NAGS: variants seen among roughly 807,000 people sequenced by gnomAD.
NAGS encodes the protein N-acetylglutamate synthase.
In NAGS, 34 loss-of-function variants were observed where a neutral mutation model predicts 46.9. The ratio of observed to expected loss-of-function variants is 0.72; its 90% CI spans 0.55 to 0.97. The LOEUF (loss-of-function observed/expected upper bound fraction) is 0.97, where lower values mean the gene tolerates loss of function less well. Among genes scored for constraint, NAGS ranks in the 50% least tolerant of loss-of-function variants. NAGS has a pLI of 0.00. For missense variants in NAGS, 665 were observed against 747.0 expected, an observed-to-expected ratio of 0.89 and a Z score of 1.28; for synonymous variants, 334 against 346.3, an observed-to-expected ratio of 0.96 and a Z score of 0.39.
rs752030746 is a variant in NAGS, at chr17:44,007,525, TG to T, written c.1268+37del. Reference sequence around the variant, plus strand: ...CCTGCGGACCCCAGAGGGCGGGGTCTGGGGGGCAGTCGGGCAGCTTCGGACC... The same window carrying T: ...CCTGCGGACCCCAGAGGGCGGGGTCTGGGGGCAGTCGGGCAGCTTCGGACC... On this transcript the variant is annotated intron_variant, in intron 5 of 6. Transcript: ENST00000293404. This position sits in a 1 kb window ranked among gnomAD's most constrained non-coding sequence, Gnocchi z 5.1. 2.5e-6 allele frequency: 4 copies of T among 1,613,276 alleles called. No individual in the cohort carries two copies. Among genetic ancestry groups the T allele is most frequent in the South Asian group, 1.1e-5 (1 of 91,058 alleles).
rs940713857 is a variant in NAGS at position 44,005,484 on chromosome 17, G to A, written c.427-153G>A. Among the ~76,000 whole-genome samples the A allele has an allele frequency of 6.6e-6, 1 of 152,244 alleles. No individual in the cohort carries two copies. Among genetic ancestry groups the A allele is most frequent in the Non-Finnish European group, 1.5e-5 (1 of 68,048 alleles). ...ACAAGGGAGTGGCAAGACCCAACGGGGCAAAGGGCGGAGCAGGTGGGCACT... is the reference window on the plus strand; with the variant it reads ...ACAAGGGAGTGGCAAGACCCAACGGAGCAAAGGGCGGAGCAGGTGGGCACT... On this transcript the variant is annotated intron_variant, in intron 1 of 6. Coordinates refer to ENST00000293404, the MANE Select transcript of NAGS (RefSeq NM_153006.3). This position sits in a 1 kb window ranked among gnomAD's most constrained non-coding sequence, Gnocchi z 7.2.
intron 6 of NAGS, 127 bp from the exon 7 acceptor site, chr17:44,008,321 C>G: frequency 9.1e-7 from 1 of 1,103,178 alleles, no homozygotes; most frequent in Non-Finnish European, 1.4e-6. Context: ...TAACACACAG[C>G]AGGACCAAGC....
rs927569888 is a variant in NAGS at position 44,007,163 on chromosome 17, GA to G, written c.1097-156del. 50 of 707,146 alleles carry G rather than the reference GA, an allele frequency of 7.1e-5. 3 individuals carry two copies. The highest frequency in any genetic ancestry group is 4.7e-4 in the South Asian group (25 of 53,024). The allele number at this position is 707,146 out of a possible 1,614,324, so 43.8% of individuals were successfully genotyped here. A position where few individuals can be genotyped will look rare whatever the true frequency, so the allele number is the denominator to read the frequency against. ...GCCTGGGGAAAGCATCTCCTTGAAT[GA>G]AAATCACAGACAAATCTATGCAGAC... On this transcript the variant is annotated intron_variant, in intron 4 of 6. Transcript: ENST00000293404. This position sits in a 1 kb window ranked among gnomAD's most constrained non-coding sequence, Gnocchi z 5.1.
Position 44,007,488 on chromosome 17 carries a change from C to T in NAGS, c.1262C>T (p.Ser421Phe). ...LRPRLHSIYV[S>F]EGYNAAAILT... is the part of the protein sequence containing the mutation. ...CCGCGGCTGCACTCCATCTACGTCT[C>T]CGAGGGGTAAGCCTGCGGACCCCAG... The change falls in exon 5 of 7, where the codon TCC becomes TTC. Residue 421 changes from serine to phenylalanine, a missense_variant. By Grantham distance (155) the Ser-to-Phe change is radical. Transcript: ENST00000293404. The surrounding 1 kb of genome is among the most constrained non-coding windows in gnomAD (Gnocchi z 5.1). The T allele has an allele frequency of 1.2e-6, 2 of 1,613,730 alleles. No individual in the cohort carries two copies. The highest frequency in any genetic ancestry group is 1.7e-6 in the Non-Finnish European group (2 of 1,179,948).
In NAGS at chr17:44,006,807, A is replaced by G; in HGVS notation, c.1096+98A>G. On this transcript the variant is annotated intron_variant, in intron 4 of 6. Coordinates refer to ENST00000293404, the MANE Select transcript of NAGS (RefSeq NM_153006.3). This position sits in a 1 kb window ranked among gnomAD's most constrained non-coding sequence, Gnocchi z 4.8. ...GGAGGAGCGGCTTCTCCTCCTGTCC[A>G]GGAGCCGTAGGGGGAGGCGGGGGGT... The G allele has an allele frequency of 7.7e-7, 1 of 1,299,324 alleles. No individual in the cohort carries two copies. The highest frequency in any genetic ancestry group is 1.4e-5 in the South Asian group (1 of 70,538). 80.5% of individuals were successfully genotyped at this position (1,299,324 alleles called of 1,614,324 possible). A position where few individuals can be genotyped will look rare whatever the true frequency, so the allele number is the denominator to read the frequency against.
rs1268332465 is a variant in NAGS at position 44,005,906 on chromosome 17, T to C, written c.696T>C (p.His232=). 11 of 1,549,070 alleles carry C rather than the reference T, an allele frequency of 7.1e-6. No individual in the cohort carries two copies. The highest frequency in any genetic ancestry group is 7.8e-6 in the Non-Finnish European group (9 of 1,151,052). The part of the protein sequence containing the change: ...SVLRAAEPAP[H]ASYGGIVSVE... ...TACGCGCTGCCGAGCCGGCTCCCCA[T>C]GCCAGGTGAGTGCCCGCCCTGCCCG... is the stretch of plus-strand genomic sequence containing the variant. Residue 232 remains histidine, a synonymous_variant, in exon 2 of 7, where the codon CAT becomes CAC. Transcript: ENST00000293404. This position sits in a 1 kb window ranked among gnomAD's most constrained non-coding sequence, Gnocchi z 7.2.
In NAGS at chr17:44,007,007, C is replaced by G; in HGVS notation, c.1096+298C>G. ...GCGGGACCATAAGGGAGGTGTTCGA[C>G]CGGGAGAGATGGGCGGGGCTTAGGT... On this transcript the variant is annotated intron_variant, in intron 4 of 6. Transcript: ENST00000293404. This position sits in a 1 kb window ranked among gnomAD's most constrained non-coding sequence, Gnocchi z 5.1. 1 of 518,208 alleles carries G rather than the reference C, an allele frequency of 1.9e-6. No homozygotes were observed. The highest frequency in any genetic ancestry group is 2.4e-5 in the South Asian group (1 of 42,280). 32.1% of individuals were successfully genotyped at this position (518,208 alleles called of 1,614,324 possible). A position where few individuals can be genotyped will look rare whatever the true frequency, so the allele number is the denominator to read the frequency against.
In NAGS at chr17:44,004,859, G is replaced by A. The variant is rs1300283144; in HGVS notation, c.196G>A (p.Ala66Thr). ...GCCCCCGCCCGAGGAGTACGCGGGC[G>A]CGGACGACGTCTCCCAGTCGCCCGT... ...PQPPPEEYAG[A>T]DDVSQSPVAE... Residue 66 changes from alanine to threonine, a missense_variant, in exon 1 of 7, where the codon GCG becomes ACG. Transcript: ENST00000293404. The A allele has an allele frequency of 1.3e-6, 2 of 1,529,020 alleles. No individual in the cohort carries two copies. The highest frequency in any genetic ancestry group is 1.7e-6 in the Non-Finnish European group (2 of 1,144,240). The allele number at this position is 1,529,020 out of a possible 1,614,324, so 94.7% of individuals were successfully genotyped here.
rs2049061810 is a variant in NAGS, at chr17:44,004,797, C to A, written c.134C>A (p.Pro45Gln). 1.5e-6 allele frequency: 2 copies of A among 1,373,350 alleles called. No homozygotes were observed. Among genetic ancestry groups the A allele is most frequent in the Non-Finnish European group, 1.9e-6 (2 of 1,069,140 alleles). The allele number at this position is 1,373,350 out of a possible 1,614,324, so 85.1% of individuals were successfully genotyped here. ...CGGCGGGCGGCGAGGGGCACCAGCCCGGGGCGCCGGCTCAGCACCGCCTGG... is the reference window on the plus strand; with the variant it reads ...CGGCGGGCGGCGAGGGGCACCAGCCAGGGGCGCCGGCTCAGCACCGCCTGG... ...ARRRAARGTS[P>Q]GRRLSTAWSQ... The change falls in exon 1 of 7, where the codon CCG becomes CAG. Residue 45 changes from proline (P) to glutamine (Q), a missense_variant. Transcript: ENST00000293404.
chr17:44,006,458 G>A lies in NAGS; in HGVS notation c.916-71G>A. The A allele has an allele frequency of 6.5e-7, 1 of 1,539,310 alleles. No homozygotes were observed. Among genetic ancestry groups the A allele is most frequent in the African/African-American group, 1.4e-5 (1 of 72,966 alleles). On this transcript the variant is annotated intron_variant, in intron 3 of 6. Transcript: ENST00000293404. This position sits in a 1 kb window ranked among gnomAD's most constrained non-coding sequence, Gnocchi z 4.8. ...AAGGATAAAGGGGTCAGAGAAAAGAGAGGTCCGTGGGGGTAGGGGGGCAGT... is the reference window on the plus strand; with the variant it reads ...AAGGATAAAGGGGTCAGAGAAAAGAAAGGTCCGTGGGGGTAGGGGGGCAGT...
In NAGS at chr17:44,004,735, C is replaced by T. The variant is rs749730977; in HGVS notation, c.72C>T (p.Gly24=). The change falls in exon 1 of 7, where the codon GGC becomes GGT. Residue 24 remains glycine (G), a synonymous_variant. Coordinates refer to ENST00000293404, the MANE Select transcript of NAGS (RefSeq NM_153006.3). Reference sequence around the variant, plus strand: ...CCCCGAGGCTGAGAGGCCGGGGAGGCACTGGGGGCGCCCGAAGGCTGAGCT... The same window carrying T: ...CCCCGAGGCTGAGAGGCCGGGGAGGTACTGGGGGCGCCCGAAGGCTGAGCT... ...AVAPRLRGRG[G]TGGARRLSCG... is the part of the protein sequence containing the mutation. 3.4e-6 allele frequency: 5 copies of T among 1,476,976 alleles called. No homozygotes were observed. The highest frequency in any genetic ancestry group is 4.5e-6 in the Non-Finnish European group (5 of 1,113,952). The allele number at this position is 1,476,976 out of a possible 1,614,324, so 91.5% of individuals were successfully genotyped here. A position where few individuals can be genotyped will look rare whatever the true frequency, so the allele number is the denominator to read the frequency against.
At chr17:44,008,193 C>T (rs1438804100) in intron 6 of NAGS, among the ~76,000 whole-genome samples, 4 of 152,168 alleles carry the variant, frequency 2.6e-5, no homozygotes, top group Non-Finnish European at 2.9e-5. Flanking sequence ...GCAAAGCACC[C>T]GCTCCCTTCC....
rs1190450582 is a variant in NAGS at position 44,006,574 on chromosome 17, A to C, written c.961A>C (p.Asn321His). ...GCCCGCCGACCTGGACCTGGTGTGC[A>C]ACGCCGAGTGGGTGAGCACAAAAGA... ...NLPADLDLVC[N>H]AEWVSTKERQ... Residue 321 changes from asparagine (N) to histidine (H), a missense_variant, in exon 4 of 7, where the codon AAC becomes CAC. Coordinates refer to ENST00000293404, the MANE Select transcript of NAGS (RefSeq NM_153006.3). This position sits in a 1 kb window ranked among gnomAD's most constrained non-coding sequence, Gnocchi z 4.8. The C allele has an allele frequency of 6.3e-7, 1 of 1,581,548 alleles. No individual in the cohort carries two copies. The highest frequency in any genetic ancestry group is 1.8e-5 in the Admixed American group (1 of 55,074).
At position 44,004,831 on chromosome 17, in the gene NAGS, C is replaced by T. The variant is rs1597863930; in HGVS notation, c.168C>T (p.Pro56=). The change falls in exon 1 of 7, where the codon CCC becomes CCT. Residue 56 remains proline (P), a synonymous_variant. Coordinates refer to ENST00000293404, the MANE Select transcript of NAGS (RefSeq NM_153006.3). ...GGCTCAGCACCGCCTGGTCGCAGCC[C>T]CAGCCCCCGCCCGAGGAGTACGCGG... ...GRRLSTAWSQ[P]QPPPEEYAGA... is the part of the protein sequence containing the mutation. 4.0e-6 allele frequency: 6 copies of T among 1,502,412 alleles called. No individual in the cohort carries two copies. The highest frequency in any genetic ancestry group is 5.3e-6 in the Non-Finnish European group (6 of 1,131,080). 93.1% of individuals were successfully genotyped at this position (1,502,412 alleles called of 1,614,324 possible).
At position 44,005,611 on chromosome 17, in the gene NAGS, C is replaced by A. The variant is rs148757315; in HGVS notation, c.427-26C>A. The A allele has an allele frequency of 2.6e-5, 41 of 1,606,744 alleles. No individual in the cohort carries two copies. The highest frequency in any genetic ancestry group is 3.4e-5 in the Non-Finnish European group (40 of 1,177,460). ...GCCAGCGGCTCAGGTCCGTGTCACG[C>A]TCCTTGAAAGCCCACTCCTCCGCAG... is the stretch of plus-strand genomic sequence containing the variant. On this transcript the variant is annotated intron_variant, in intron 1 of 6. Transcript: ENST00000293404. The surrounding 1 kb of genome is among the most constrained non-coding windows in gnomAD (Gnocchi z 7.2).
Position 44,005,506 on chromosome 17 carries a change from C to T in NAGS, c.427-131C>T. 1.6e-6 allele frequency: 2 copies of T among 1,260,522 alleles called. No homozygotes were observed. Among genetic ancestry groups the T allele is most frequent in the Non-Finnish European group, 2.2e-6 (2 of 899,634 alleles). The allele number at this position is 1,260,522 out of a possible 1,614,324, so 78.1% of individuals were successfully genotyped here. ...CGGGGCAAAGGGCGGAGCAGGTGGGCACTGGTGGCCAGAACTGGGTCCTGA... is the reference window on the plus strand; with the variant it reads ...CGGGGCAAAGGGCGGAGCAGGTGGGTACTGGTGGCCAGAACTGGGTCCTGA... On this transcript the variant is annotated intron_variant, in intron 1 of 6. Transcript: ENST00000293404. The surrounding 1 kb of genome is among the most constrained non-coding windows in gnomAD (Gnocchi z 7.2).
Position 44,005,020 on chromosome 17 carries a change from G to A in NAGS, c.357G>A (p.Glu119=). ...FLNQCGASPG[E]ARHWLTQFQT... is the part of the protein sequence containing the mutation. Reference sequence around the variant, plus strand: ...ACCAGTGCGGGGCCAGCCCTGGGGAGGCGCGCCACTGGCTCACGCAGTTCC... The same window carrying A: ...ACCAGTGCGGGGCCAGCCCTGGGGAAGCGCGCCACTGGCTCACGCAGTTCC... The change falls in exon 1 of 7, where the codon GAG becomes GAA. Residue 119 remains glutamate, a synonymous_variant. Coordinates refer to ENST00000293404, the MANE Select transcript of NAGS (RefSeq NM_153006.3). This position sits in a 1 kb window ranked among gnomAD's most constrained non-coding sequence, Gnocchi z 7.2. The A allele has an allele frequency of 6.4e-7, 1 of 1,563,208 alleles. No individual in the cohort carries two copies. Among genetic ancestry groups the A allele is most frequent in the East Asian group, 2.4e-5 (1 of 42,534 alleles).
At position 44,006,808 on chromosome 17, in the gene NAGS, G is replaced by A. The variant is rs2049099060; in HGVS notation, c.1096+99G>A. The stretch of plus-strand genomic sequence containing the variant: ...GAGGAGCGGCTTCTCCTCCTGTCCA[G>A]GAGCCGTAGGGGGAGGCGGGGGGTG... On this transcript the variant is annotated intron_variant, in intron 4 of 6. Coordinates refer to ENST00000293404, the MANE Select transcript of NAGS (RefSeq NM_153006.3). This position sits in a 1 kb window ranked among gnomAD's most constrained non-coding sequence, Gnocchi z 4.8. 7.7e-7 allele frequency: 1 copy of A among 1,298,732 alleles called. No homozygotes were observed. The highest frequency in any genetic ancestry group is 1.0e-6 in the Non-Finnish European group (1 of 959,442). The allele number at this position is 1,298,732 out of a possible 1,614,324, so 80.5% of individuals were successfully genotyped here. A position where few individuals can be genotyped will look rare whatever the true frequency, so the allele number is the denominator to read the frequency against.
chr17:44,006,141 C>T lies in NAGS; in HGVS notation c.819C>T (p.Asp273=), dbSNP rs1175019062. 1 of 1,613,314 alleles carries T rather than the reference C, an allele frequency of 6.2e-7. No homozygotes were observed. Among genetic ancestry groups the T allele is most frequent in the Non-Finnish European group, 8.5e-7 (1 of 1,179,968 alleles). ...CCGCGCGCCGCTCCGTGCTTCTCGA[C>T]TCCCTGGAGGTGACCGCGTCGCTGG... ...ETAARRSVLL[D]SLEVTASLAK... The change falls in exon 3 of 7, where the codon GAC becomes GAT. Residue 273 remains aspartate, a synonymous_variant. Coordinates refer to ENST00000293404, the MANE Select transcript of NAGS (RefSeq NM_153006.3). This position sits in a 1 kb window ranked among gnomAD's most constrained non-coding sequence, Gnocchi z 4.8.
Sources: allele counts gnomAD v4.1 joint callset (sites outside exome capture counted in the v4.1 genomes callset), GRCh38; gene constraint gnomAD v4.1.1; non-coding constraint Gnocchi (gnomAD v3.1); transcripts MANE v1.5; gene names NCBI Gene and HGNC (gene_info 2026-07-23, HGNC 2026-07-21).